Variants in POLR1A observed in about 807,000 individuals in gnomAD.
POLR1A encodes RNA polymerase I subunit A.
Under a neutral mutation model 205.3 loss-of-function variants are expected in POLR1A, and 84 were observed. That is an observed-to-expected ratio of 0.41 (90% CI 0.34 to 0.49). The LOEUF is 0.49. POLR1A is among the 20% of genes least tolerant of loss of function. The pLI, the probability that POLR1A is intolerant of heterozygous loss-of-function variation, is 0.22. For synonymous variants in POLR1A, 799 were observed against 863.7 expected, an observed-to-expected ratio of 0.93 and a Z score of 1.31; for missense variants, 1,645 against 2,204.5, an observed-to-expected ratio of 0.75 and a Z score of 5.08.
At position 86,031,482 on chromosome 2, in the gene POLR1A, G is replaced by T. The variant is rs757513892; in HGVS notation, c.4426C>A (p.Leu1476Ile). 1.2e-6 allele frequency: 2 copies of T among 1,614,170 alleles called. No homozygotes were observed. The highest frequency in any genetic ancestry group is 1.7e-6 in the Non-Finnish European group (2 of 1,179,974). The change falls in exon 30 of 34, where the codon CTT becomes ATT. Residue 1476 changes from leucine to isoleucine, a missense_variant. Leu to Ile is a conservative substitution (Grantham distance 5). Coordinates refer to ENST00000263857, the MANE Select transcript of POLR1A (RefSeq NM_015425.6). ...CGGGGCTGCGTCAGGAGGGCGGGAAGGGACGGGTCCTCCTCAGTGCCTAAG... is the reference window on the plus strand; with the variant it reads ...CGGGGCTGCGTCAGGAGGGCGGGAATGGACGGGTCCTCCTCAGTGCCTAAG... ...VGLGTEEDPS[L>I]PALLTQPRKP...
chr2:86,027,630 T>C lies in POLR1A; in HGVS notation c.5063-107A>G, dbSNP rs1198368210. The C allele has an allele frequency of 2.5e-5, 25 of 1,018,130 alleles. No homozygotes were observed. In the Admixed American group the frequency reaches 3.7e-4, roughly 15 times the overall value. 63.1% of individuals were successfully genotyped at this position (1,018,130 alleles called of 1,614,324 possible). ...GAAGTCTCGGGACTCAGGTGGGTCC[T>C]GAGTCTCTGAAGCTGATGGGATCAC... On this transcript the variant is annotated intron_variant, in intron 33 of 33. Coordinates refer to ENST00000263857, the MANE Select transcript of POLR1A (RefSeq NM_015425.6).
intron 27 of POLR1A, among the ~76,000 whole-genome samples, chr2:86,034,373 G>A (rs574579011): frequency 1.2e-3 from 178 of 152,288 alleles, no homozygotes; most frequent in African/African-American, 3.8e-3. Context: ...AAAGAACGAG[G>A]ACTTCGGAAG....
intron 21 of POLR1A, among the ~76,000 whole-genome samples, chr2:86,044,535 T>C (rs1287046499): frequency 6.6e-6 from 1 of 152,190 alleles, no homozygotes; most frequent in Non-Finnish European, 1.5e-5. Flanking sequence ...GCTGCAGCCA[T>C]GTTACTGAGC....
chr2:86,049,240 C>G lies in POLR1A; in HGVS notation c.2395G>C (p.Val799Leu). Residue 799 changes from valine (V) to leucine (L), a missense_variant and splice_region_variant, in exon 17 of 34, where the codon GTG (valine) becomes CTG (leucine). Val to Leu is a conservative substitution (Grantham distance 32). This residue lies in a region of POLR1A where 339 missense variants were observed against 415.1 expected (regional missense o/e 0.82). Transcript: ENST00000263857. ...LQLYRGFTLG[V>L]EDILVKPKAD... ...TTTGGCTTCACCAAAATGTCTTCCA[C>G]GCCTGTGAAGTGAAACAGACAAGCT... The G allele has an allele frequency of 6.2e-7, 1 of 1,612,044 alleles. No homozygotes were observed. The highest frequency in any genetic ancestry group is 8.5e-7 in the Non-Finnish European group (1 of 1,178,190).
At chr2:86,031,041 C>T (rs958324476) in intron 30 of POLR1A, among the ~76,000 whole-genome samples, 1 of 152,176 alleles carries the variant, frequency 6.6e-6, no homozygotes, top group African/African-American at 2.4e-5. Flanking sequence ...CTTGAAAGAT[C>T]GGGGAGAACT....
In POLR1A at chr2:86,021,772, G is replaced by A. The variant is rs907401046; in HGVS notation, c.*5651C>T. ...ATGGATGCAGCATGGGGGAGGGAAT[G>A]GTGAGGATGGGCATGGTCAGGTATC... On this transcript the variant is annotated 3_prime_UTR_variant, in exon 34 of 34. Coordinates refer to ENST00000263857, the MANE Select transcript of POLR1A (RefSeq NM_015425.6). 1 of 152,380 alleles carries A rather than the reference G, an allele frequency of 6.6e-6. No individual in the cohort carries two copies. Among genetic ancestry groups the A allele is most frequent in the Non-Finnish European group, 1.5e-5 (1 of 68,126 alleles). The allele number at this position is 152,380 out of a possible 1,614,324, so 9.4% of individuals were successfully genotyped here. A position where few individuals can be genotyped will look rare whatever the true frequency, so the allele number is the denominator to read the frequency against.
intron 27 of POLR1A, 108 bp from the exon 28 acceptor site, chr2:86,033,895 G>C: frequency 7.4e-7 from 1 of 1,357,482 alleles, no homozygotes; most frequent in East Asian, 2.4e-5. Flanking sequence ...ATCAGTGCAC[G>C]AGATGGAGGC....
Position 86,040,421 on chromosome 2 carries a change from G to T in POLR1A, c.3711C>A (p.Gly1237=), listed in dbSNP as rs376322875. ...TLNTFHFAGR[G]EMNVTLGIPR... The stretch of plus-strand genomic sequence containing the variant: ...GAATGCCCAGGGTGACGTTCATCTC[G>T]CCTCTGCCTGCAAAGTGGAAGGTGT... Residue 1237 remains glycine (G), a synonymous_variant, in exon 25 of 34, where the codon GGC becomes GGA. Transcript: ENST00000263857. 9.3e-6 allele frequency: 15 copies of T among 1,611,960 alleles called. No individual in the cohort carries two copies. In the African/African-American group the frequency reaches 1.5e-4, roughly 16 times the overall value.
At chr2:86,027,827 C>A in intron 33 of POLR1A, 58 bp downstream of exon 33, 2 of 1,571,544 alleles carry the variant, frequency 1.3e-6, no homozygotes, top group African/African-American at 1.3e-5. Flanking sequence ...CATGGGTGAG[C>A]CCGTGTGCCC....
At chr2:86,046,937 T>C (rs6741832) in intron 19 of POLR1A, among the ~76,000 whole-genome samples, 1,879 of 152,340 alleles carry the variant, frequency 0.012, 49 homozygotes, top group African/African-American at 0.043. Flanking sequence ...GTACAGTTTG[T>C]AAATTTGTAA....
intron 19 of POLR1A, among the ~76,000 whole-genome samples, chr2:86,046,906 A>G (rs774283658): frequency 6.6e-6 from 1 of 152,238 alleles, no homozygotes; most frequent in Non-Finnish European, 1.5e-5. Context: ...ATTTATCTAT[A>G]TAACGTGAAT....
intron 18 of POLR1A, among the ~76,000 whole-genome samples, chr2:86,047,704 G>A (rs1444383073): frequency 3.9e-5 from 6 of 152,158 alleles, no homozygotes; most frequent in Non-Finnish European, 8.8e-5. Context: ...TCACATTTAC[G>A]AACATGCCAC....
rs1426314138 is a variant in POLR1A at position 86,075,160 on chromosome 2, G to C, written c.1481C>G (p.Ala494Gly). The C allele has an allele frequency of 1.9e-6, 3 of 1,613,628 alleles. No homozygotes were observed. Among genetic ancestry groups the C allele is most frequent in the Non-Finnish European group, 2.5e-6 (3 of 1,179,828 alleles). Reference sequence around the variant, plus strand: ...GCCGTCCTCATTGATGACCATGGAGGCTCCTGGGTGCACATTAGGGCCGTT... The same window carrying C: ...GCCGTCCTCATTGATGACCATGGAGCCTCCTGGGTGCACATTAGGGCCGTT... ...VINGPNVHPGASMVINEDGSR... is the reference protein window; with the variant it reads ...VINGPNVHPGGSMVINEDGSR... Residue 494 changes from alanine to glycine, a missense_variant, in exon 12 of 34, where the codon GCC becomes GGC. Transcript: ENST00000263857.
rs1004356859 is a variant in POLR1A, at chr2:86,022,765, A to T, written c.*4658T>A. The T allele has an allele frequency of 6.6e-6, 1 of 152,234 alleles. No homozygotes were observed. The highest frequency in any genetic ancestry group is 2.1e-4 in the South Asian group (1 of 4,830). 9.4% of individuals were successfully genotyped at this position (152,234 alleles called of 1,614,324 possible). A position where few individuals can be genotyped will look rare whatever the true frequency, so the allele number is the denominator to read the frequency against. On this transcript the variant is annotated 3_prime_UTR_variant, in exon 34 of 34. Transcript: ENST00000263857. The stretch of plus-strand genomic sequence containing the variant: ...CACAACACCTGGCTAATTTTTGTAG[A>T]TACGGGGTCTCACTGGGTTGCCCAG...
Position 86,102,266 on chromosome 2 carries a change from A to G in POLR1A, c.78-2094T>C, listed in dbSNP as rs79032117. Among the ~76,000 whole-genome samples the G allele has an allele frequency of 4.5e-3, 682 of 152,332 alleles. 4 individuals carry two copies. Among genetic ancestry groups the G allele is most frequent in the Middle Eastern group, 0.017 (5 of 294 alleles). ...ACATTCACACTAATGGTGTACAAAA[A>G]GCTTCCACTTTCTCCACACCCTTGC... On this transcript the variant is annotated intron_variant, in intron 1 of 33. Coordinates refer to ENST00000263857, the MANE Select transcript of POLR1A (RefSeq NM_015425.6).
chr2:86,089,983 G>T, intron 3 of POLR1A, 54 bp from the exon 4 acceptor site: 1 of 944,358 alleles, frequency 1.1e-6, no homozygotes, highest in Non-Finnish European at 1.7e-6. Flanking sequence ...CCTCTGATGA[G>T]CAGCACAACT....
intron 14 of POLR1A, among the ~76,000 whole-genome samples, chr2:86,062,499 A>G (rs982001852): frequency 3.3e-5 from 5 of 152,224 alleles, no homozygotes; most frequent in African/African-American, 1.2e-4. Flanking sequence ...GGGAAATTAG[A>G]AAGTATTCTG....
intron 13 of POLR1A, among the ~76,000 whole-genome samples, chr2:86,068,299 G>A (rs1034507179): frequency 4.1e-5 from 6 of 147,050 alleles, no homozygotes; most frequent in Non-Finnish European, 5.9e-5. Flanking sequence ...ACACAGTTCT[G>A]GCAGCCACTT....
At chr2:86,048,553 C>T (rs1558768162) in intron 18 of POLR1A, among the ~76,000 whole-genome samples, 3 of 152,206 alleles carry the variant, frequency 2.0e-5, no homozygotes, top group African/African-American at 4.8e-5. Context: ...CAGGGCGATC[C>T]GGGTCCCTCA....
Sources: gnomAD v4.1 joint callset for allele counts (sites outside exome capture counted in the v4.1 genomes callset) on GRCh38, gnomAD v4.1.1 for gene constraint, gnomAD v4.1.1 regional missense constraint, MANE v1.5 for transcripts, NCBI Gene and HGNC (gene_info 2026-07-23, HGNC 2026-07-21) for gene names.